The following UBASH3B variants were observed in gnomAD, a reference collection of about 807,000 sequenced individuals.
UBASH3B encodes the protein ubiquitin-associated and SH3 domain-containing protein B.
UBASH3B carries 37 observed loss-of-function variants against 83.4 expected under a neutral mutation model. The observed-to-expected ratio is 0.44, with a 90% confidence interval of 0.34 to 0.58. The LOEUF is 0.58. Ranked by LOEUF, UBASH3B falls within the 20% of genes least tolerant of loss-of-function variation. The pLI is 0.01. For missense variants in UBASH3B, 657 were observed against 827.2 expected (o/e 0.79, Z 2.52); for synonymous variants, 304 against 318.3 (o/e 0.96, Z 0.48).
intron 2 of UBASH3B, among the ~76,000 whole-genome samples, chr11:122,776,520 C>CCCTGCT (rs1860737874): frequency 6.6e-6 from 1 of 152,278 alleles, no homozygotes; most frequent in Non-Finnish European, 1.5e-5. Context: ...TAAGATCTGT[C>CCCTGCT]CCTGCTCCAG....
At chr11:122,792,372 A>G (rs532223127) in intron 6 of UBASH3B, among the ~76,000 whole-genome samples, 1 of 147,908 alleles carries the variant, frequency 6.8e-6, no homozygotes, top group East Asian at 2.0e-4. Flanking sequence ...AGGCTGGAGC[A>G]CAGTGGTGCA....
At chr11:122,690,230 C>A (rs1212812023) in intron 1 of UBASH3B, among the ~76,000 whole-genome samples, 36 of 28,810 alleles carry the variant, frequency 1.2e-3, no homozygotes, top group South Asian at 2.1e-3. Context: ...ATATATATAT[C>A]CAATTTTATA....
At chr11:122,713,152 C>A (rs939575379) in intron 1 of UBASH3B, among the ~76,000 whole-genome samples, 1 of 151,910 alleles carries the variant, frequency 6.6e-6, no homozygotes, top group Non-Finnish European at 1.5e-5. Context: ...TGTGATCCGC[C>A]CACTTCGGCC....
At chr11:122,716,475 C>G (rs961597459) in intron 1 of UBASH3B, among the ~76,000 whole-genome samples, 2 of 152,198 alleles carry the variant, frequency 1.3e-5, no homozygotes, top group Non-Finnish European at 2.9e-5. Flanking sequence ...CCTTATCCTC[C>G]CTCCACAAAA....
intron 1 of UBASH3B, among the ~76,000 whole-genome samples, chr11:122,705,398 A>T (rs1864103822): frequency 6.6e-6 from 1 of 151,380 alleles, no homozygotes; most frequent in Non-Finnish European, 1.5e-5. Flanking sequence ...GTGAGCTGAG[A>T]TCGCACCACT....
At chr11:122,710,062 A>T (rs987674614) in intron 1 of UBASH3B, among the ~76,000 whole-genome samples, 2 of 150,600 alleles carry the variant, frequency 1.3e-5, no homozygotes, top group African/African-American at 2.4e-5. Context: ...AGGCTGAGGC[A>T]GGAGAATTGC....
intron 1 of UBASH3B, among the ~76,000 whole-genome samples, chr11:122,676,114 A>T (rs1417590450): frequency 3.3e-5 from 5 of 152,158 alleles, no homozygotes; most frequent in South Asian, 2.1e-4. Flanking sequence ...CATTAAAAAA[A>T]TTTTTGGCTG....
chr11:122,720,661 T>A (rs1313485463), intron 1 of UBASH3B, among the ~76,000 whole-genome samples: 2 of 152,176 alleles, frequency 1.3e-5, no homozygotes, highest in Non-Finnish European at 2.9e-5. Flanking sequence ...TTGAATACAC[T>A]ACACACGCCA....
intron 6 of UBASH3B, among the ~76,000 whole-genome samples, chr11:122,794,352 C>T (rs1164391920): frequency 3.9e-5 from 6 of 152,226 alleles, no homozygotes; most frequent in African/African-American, 7.2e-5. Context: ...ACTACAGGCA[C>T]GCACAACCAC....
At chr11:122,795,122 T>C (rs149825005) in intron 7 of UBASH3B, among the ~76,000 whole-genome samples, 13 of 152,312 alleles carry the variant, frequency 8.5e-5, no homozygotes, top group African/African-American at 2.6e-4. Flanking sequence ...CATAGTTGTA[T>C]CTGTTTTGTA....
intron 1 of UBASH3B, among the ~76,000 whole-genome samples, chr11:122,679,061 C>T (rs1863704937): frequency 6.6e-6 from 1 of 152,096 alleles, no homozygotes; most frequent in South Asian, 2.1e-4. Flanking sequence ...AGAGACCTGA[C>T]TAAAAGCCAC....
chr11:122,754,045 G>A (rs1861245495), intron 1 of UBASH3B, among the ~76,000 whole-genome samples: 1 of 152,194 alleles, frequency 6.6e-6, no homozygotes, highest in Non-Finnish European at 1.5e-5. Context: ...CTGAAACATG[G>A]CCAGTGTGAT....
At chr11:122,776,198 A>G in intron 1 of UBASH3B, 21 bp from the exon 2 acceptor site, 1 of 1,609,650 alleles carries the variant, frequency 6.2e-7, no homozygotes, top group Non-Finnish European at 8.5e-7. Context: ...TTAACAATAG[A>G]AATTTGATTT....
At chr11:122,669,059 A>G (rs1247702435) in intron 1 of UBASH3B, among the ~76,000 whole-genome samples, 3 of 152,226 alleles carry the variant, frequency 2.0e-5, no homozygotes, top group Admixed American at 6.5e-5. Context: ...GTGAAATACA[A>G]GAGGCTTTGT....
intron 1 of UBASH3B, among the ~76,000 whole-genome samples, chr11:122,727,778 T>C (rs567074680): frequency 4.7e-4 from 72 of 152,288 alleles, no homozygotes; most frequent in Middle Eastern, 3.4e-3. Flanking sequence ...CGGAACTCAG[T>C]TCTGGGCTGT....
intron 4 of UBASH3B, among the ~76,000 whole-genome samples, chr11:122,781,473 A>G (rs570532646): frequency 1.1e-4 from 16 of 152,326 alleles, no homozygotes; most frequent in African/African-American, 3.4e-4. Flanking sequence ...TGGAGTGCAT[A>G]CTGAGTGAGC....
intron 5 of UBASH3B, among the ~76,000 whole-genome samples, chr11:122,785,183 C>T (rs540393989): frequency 5.9e-5 from 9 of 152,310 alleles, no homozygotes; most frequent in East Asian, 5.8e-4. Context: ...CAAGCGCCCA[C>T]GGGAATTATT....
intron 1 of UBASH3B, among the ~76,000 whole-genome samples, chr11:122,764,113 C>T (rs1433751197): frequency 6.6e-6 from 1 of 152,186 alleles, no homozygotes; most frequent in Non-Finnish European, 1.5e-5. Flanking sequence ...GAAAAACTTT[C>T]TGAGTGCAAG....
At chr11:122,674,874 G>A (rs1380144126) in intron 1 of UBASH3B, among the ~76,000 whole-genome samples, 1 of 151,606 alleles carries the variant, frequency 6.6e-6, no homozygotes, top group Non-Finnish European at 1.5e-5. Flanking sequence ...GATTACAGGC[G>A]TGCACCATCA....
Sources: gnomAD v4.1 joint callset for allele counts (sites outside exome capture counted in the v4.1 genomes callset) on GRCh38, gnomAD v4.1.1 for gene constraint, MANE v1.5 for transcripts, NCBI Gene and HGNC (gene_info 2026-07-23, HGNC 2026-07-21) for gene names.